Variants in GOLIM4 observed in about 807,000 individuals in gnomAD.
GOLIM4 encodes 130 kDa golgi-localized phosphoprotein.
In GOLIM4, 71 loss-of-function variants were observed where a neutral mutation model predicts 107.4. The ratio of observed to expected loss-of-function variants is 0.66; its 90% CI spans 0.55 to 0.81. GOLIM4 has a LOEUF of 0.81. GOLIM4 is among the 30% of genes least tolerant of loss of function. The probability of loss-of-function intolerance (pLI) is 0.00; values close to 1 mark genes in which losing one functional copy is unlikely to be tolerated. For missense variants in GOLIM4, 830 were observed against 826.1 expected (o/e 1.00, Z -0.06); for synonymous variants, 327 against 294.8 (o/e 1.11, Z -1.12).
chr3:168,085,218 A>G (rs1721559968), intron 1 of GOLIM4, among the ~76,000 whole-genome samples: 1 of 152,238 alleles, frequency 6.6e-6, no homozygotes, highest in Admixed American at 6.5e-5. Context: ...ACACTATCAG[A>G]AAAACATGGT....
rs200783502 is a variant in GOLIM4, at chr3:168,014,310, G to A, written c.1861-3487C>T. Among the ~76,000 whole-genome samples, 127 of 149,178 alleles carry A rather than the reference G, an allele frequency of 8.5e-4. 2 individuals carry two copies. In the East Asian group the frequency reaches 0.021, roughly 24 times the overall value. ...TCTAGAAGAAATGGATAAATTCCTC[G>A]ACACATACACTCTCCCAAGACTAAA... On this transcript the variant is annotated intron_variant, in intron 14 of 15. Coordinates refer to ENST00000470487, the MANE Select transcript of GOLIM4 (RefSeq NM_014498.5).
At chr3:168,019,069 C>T (rs1284704603) in intron 14 of GOLIM4, among the ~76,000 whole-genome samples, 1 of 151,910 alleles carries the variant, frequency 6.6e-6, no homozygotes, top group East Asian at 1.9e-4. Flanking sequence ...TACTTATGAA[C>T]CAGGCTGCAG....
intron 14 of GOLIM4, among the ~76,000 whole-genome samples, chr3:168,013,452 C>T (rs898995170): frequency 6.6e-6 from 1 of 150,742 alleles, no homozygotes; most frequent in African/African-American, 2.5e-5. Context: ...GAGACTTTAA[C>T]ACCCCACTGT....
intron 1 of GOLIM4, among the ~76,000 whole-genome samples, chr3:168,048,685 G>A (rs952526719): frequency 6.6e-6 from 1 of 152,200 alleles, no homozygotes; most frequent in Non-Finnish European, 1.5e-5. Flanking sequence ...GTCTTCCTGG[G>A]CAACCTTGCT....
intron 11 of GOLIM4, 71 bp downstream of exon 11, chr3:168,029,152 T>C: frequency 1.0e-6 from 1 of 969,638 alleles, no homozygotes. Flanking sequence ...TATATAATAT[T>C]GGCTCACTGA....
chr3:168,058,418 G>T (rs1175065126), intron 1 of GOLIM4, among the ~76,000 whole-genome samples: 1 of 152,076 alleles, frequency 6.6e-6, no homozygotes, highest in Non-Finnish European at 1.5e-5. Flanking sequence ...TTCAAGTGCT[G>T]AGCTACTAAT....
intron 14 of GOLIM4, among the ~76,000 whole-genome samples, chr3:168,023,150 A>G (rs543279886): frequency 4.6e-5 from 7 of 152,316 alleles, no homozygotes; most frequent in African/African-American, 1.7e-4. Flanking sequence ...GCCAAGGTGA[A>G]CTTTTCTCTT....
intron 11 of GOLIM4, 112 bp downstream of exon 11, chr3:168,029,111 G>T: frequency 1.6e-6 from 1 of 636,834 alleles, no homozygotes; most frequent in Admixed American, 2.6e-5. Context: ...AACCTCCTTT[G>T]CACTTAGGTA....
At chr3:168,055,028 AC>A (rs748229407) in intron 1 of GOLIM4, among the ~76,000 whole-genome samples, 67 of 152,234 alleles carry the variant, frequency 4.4e-4, no homozygotes, top group Non-Finnish European at 4.7e-4. Flanking sequence ...GCCATGTGGA[AC>A]TGTAAGTCCA....
chr3:168,094,008 A>T (rs2108300694), intron 1 of GOLIM4, among the ~76,000 whole-genome samples: 1 of 152,338 alleles, frequency 6.6e-6, no homozygotes, highest in Non-Finnish European at 1.5e-5. Context: ...CTATATTTGC[A>T]TCATCAGCAA....
rs1490682436 is a variant in GOLIM4, at chr3:168,024,990, T to G, written c.1729A>C (p.Asn577His). The G allele has an allele frequency of 6.2e-7, 1 of 1,614,128 alleles. No individual in the cohort carries two copies. Among genetic ancestry groups the G allele is most frequent in the Non-Finnish European group, 8.5e-7 (1 of 1,179,970 alleles). ...TGATTACTTTGTTTTTGCTCTTCAT[T>G]TTCATCTGGCAAATTTTCTTCTCTC... ...QVREENLPDE[N>H]EEQKQSNQKQ... The change falls in exon 13 of 16, where the codon AAT (asparagine) becomes CAT (histidine). Residue 577 changes from asparagine to histidine, a missense_variant. Asn to His is a moderately conservative substitution (Grantham distance 68). Transcript: ENST00000470487.
chr3:168,091,266 C>G (rs1043464614), intron 1 of GOLIM4, among the ~76,000 whole-genome samples: 1 of 152,216 alleles, frequency 6.6e-6, no homozygotes, highest in African/African-American at 2.4e-5. Context: ...TCTCCTTATC[C>G]CTGGAAGTCC....
intron 1 of GOLIM4, among the ~76,000 whole-genome samples, chr3:168,057,245 G>A (rs112741958): frequency 0.017 from 2,609 of 152,286 alleles, 75 homozygotes; most frequent in African/African-American, 0.06. Context: ...GGAACTGTAA[G>A]TCCAATAAAC....
chr3:168,079,034 G>A (rs775812854), intron 1 of GOLIM4, among the ~76,000 whole-genome samples: 2 of 152,086 alleles, frequency 1.3e-5, no homozygotes, highest in Non-Finnish European at 2.9e-5. Context: ...TAGGAAAGGA[G>A]CAATAATAAA....
chr3:168,024,680 C>A (rs910629174), intron 13 of GOLIM4, 86 bp from the exon 14 acceptor site: 4 of 1,154,868 alleles, frequency 3.5e-6, no homozygotes, highest in Non-Finnish European at 5.2e-6. Flanking sequence ...ACAAGCATGC[C>A]ACCATGAAAA....
At chr3:168,054,519 C>T (rs140410150) in intron 1 of GOLIM4, among the ~76,000 whole-genome samples, 1 of 152,192 alleles carries the variant, frequency 6.6e-6, no homozygotes, top group African/African-American at 2.4e-5. Flanking sequence ...TCTAAAATTG[C>T]AACTAGCTTT....
intron 8 of GOLIM4, among the ~76,000 whole-genome samples, chr3:168,034,919 T>C (rs941445380): frequency 5.9e-5 from 9 of 152,282 alleles, no homozygotes; most frequent in African/African-American, 1.9e-4. Flanking sequence ...TCCCCAGCCA[T>C]GTGGAATTGT....
At chr3:168,064,960 G>GAAAAA (rs550221140) in intron 1 of GOLIM4, among the ~76,000 whole-genome samples, 1 of 143,442 alleles carries the variant, frequency 7.0e-6, no homozygotes, top group East Asian at 2.0e-4. Flanking sequence ...TCCCAGAAGG[G>GAAAAA]AAAAAAAAAA....
At position 168,040,882 on chromosome 3, in the gene GOLIM4, G is replaced by C; in HGVS notation, c.601-13C>G. ...TCTTATGCTGTTGCTACACAAAAAA[G>C]AATTTTACATGTTGAGCTTTAACAT... On this transcript the variant is annotated splice_polypyrimidine_tract_variant and intron_variant, in intron 6 of 15. Coordinates refer to ENST00000470487, the MANE Select transcript of GOLIM4 (RefSeq NM_014498.5). 6.4e-7 allele frequency: 1 copy of C among 1,562,196 alleles called. No individual in the cohort carries two copies. The highest frequency in any genetic ancestry group is 8.8e-7 in the Non-Finnish European group (1 of 1,133,276).
Sources: allele counts gnomAD v4.1 joint callset (sites outside exome capture counted in the v4.1 genomes callset), GRCh38; gene constraint gnomAD v4.1.1; transcripts MANE v1.5; gene names NCBI Gene and HGNC (gene_info 2026-07-23, HGNC 2026-07-21).